The following BCAR3 variants were observed in gnomAD, a reference collection of about 807,000 sequenced individuals.
BCAR3 encodes BCAR3 adaptor protein, NSP family member.
Under a neutral mutation model 80.1 loss-of-function variants are expected in BCAR3, and 37 were observed. The ratio of observed to expected loss-of-function variants is 0.46; its 90% CI spans 0.36 to 0.61. BCAR3 has a LOEUF of 0.61. Among genes scored for constraint, BCAR3 ranks in the 20% least tolerant of loss-of-function variants. The pLI, the probability that BCAR3 is intolerant of heterozygous loss-of-function variation, is 0.00. For missense variants in BCAR3, 978 were observed against 1,068.2 expected (o/e 0.92, Z 1.18); for synonymous variants, 389 against 418.9 (o/e 0.93, Z 0.87).
intron 3 of BCAR3, among the ~76,000 whole-genome samples, 180 bp downstream of exon 3, chr1:93,642,124 G>T (rs113738045): frequency 3.7e-4 from 56 of 152,282 alleles, no homozygotes; most frequent in African/African-American, 1.3e-3. Context: ...ATAGGATGAC[G>T]TGAGACCCCT....
chr1:93,587,695 C>G (rs1674001476), intron 5 of BCAR3, among the ~76,000 whole-genome samples: 1 of 148,970 alleles, frequency 6.7e-6, no homozygotes, highest in African/African-American at 2.6e-5. Flanking sequence ...TCATGGACCC[C>G]CCCGCCAAAA....
Position 93,780,815 on chromosome 1 carries a change from C to G in BCAR3, c.-63+64752G>C, listed in dbSNP as rs528587928. 3.9e-5 allele frequency among the ~76,000 whole-genome samples: 6 copies of G among 152,290 alleles called. No homozygotes were observed. The South Asian group carries it at 1.2e-3, about 32-fold the overall frequency. ...AAAAACCTCACTGATACCCCTTAAC[C>G]ATTACTTGCTAAATAATAACATCCT... On this transcript the variant is annotated intron_variant, in intron 2 of 13. Transcript: ENST00000370244.
chr1:93,564,574 G>A (rs1050270746), intron 11 of BCAR3, among the ~76,000 whole-genome samples: 2 of 152,110 alleles, frequency 1.3e-5, no homozygotes, highest in African/African-American at 4.8e-5. Flanking sequence ...CACCGTGCCT[G>A]GCCAAGAAGT....
At chr1:93,569,856 C>G (rs2101804793) in intron 9 of BCAR3, among the ~76,000 whole-genome samples, 1 of 152,342 alleles carries the variant, frequency 6.6e-6, no homozygotes, top group Admixed American at 6.5e-5. Flanking sequence ...CACAAAACAT[C>G]TCCTTTACCA....
chr1:93,563,143 T>G (rs1417885), intron 11 of BCAR3, among the ~76,000 whole-genome samples: 92,249 of 151,982 alleles, frequency 0.61, 30,161 homozygotes, highest in Non-Finnish European at 0.74. Context: ...TGGTAAGTTT[T>G]TACATAAACC....
chr1:93,666,861 C>T (rs1433276716), intron 2 of BCAR3, among the ~76,000 whole-genome samples: 4 of 152,180 alleles, frequency 2.6e-5, no homozygotes, highest in African/African-American at 9.7e-5. Flanking sequence ...ACTCCATCAA[C>T]ATGTGAGAAA....
At chr1:93,605,732 G>A (rs1674753571) in intron 3 of BCAR3, among the ~76,000 whole-genome samples, 1 of 152,158 alleles carries the variant, frequency 6.6e-6, no homozygotes, top group African/African-American at 2.4e-5. Context: ...AAGAATGTCA[G>A]CAAATCAAAA....
At chr1:93,677,715 A>G (rs1252360558) in intron 1 of BCAR3, among the ~76,000 whole-genome samples, 2 of 152,204 alleles carry the variant, frequency 1.3e-5, no homozygotes, top group African/African-American at 4.8e-5. Flanking sequence ...AACTAGTTTC[A>G]GAAGGGGACC....
chr1:93,764,762 G>A (rs79985595), intron 2 of BCAR3, among the ~76,000 whole-genome samples: 2,870 of 152,208 alleles, frequency 0.019, 99 homozygotes, highest in African/African-American at 0.066. Context: ...TGGGGGACCT[G>A]GTCAGAATGC....
At chr1:93,651,710 G>C (rs1676331227) in intron 2 of BCAR3, among the ~76,000 whole-genome samples, 1 of 152,160 alleles carries the variant, frequency 6.6e-6, no homozygotes, top group Non-Finnish European at 1.5e-5. Context: ...TAGATGTACA[G>C]TTGACCATTC....
chr1:93,622,154 C>T (rs574130774), intron 3 of BCAR3, among the ~76,000 whole-genome samples: 44 of 152,316 alleles, frequency 2.9e-4, no homozygotes, highest in South Asian at 1.7e-3. Context: ...CCTCCTAGGC[C>T]TCCCAAAGTG....
intron 2 of BCAR3, among the ~76,000 whole-genome samples, chr1:93,764,561 C>T (rs545704223): frequency 4.8e-4 from 73 of 152,260 alleles, no homozygotes; most frequent in African/African-American, 1.7e-3. Context: ...GCTATCACCA[C>T]TCTCTTCCTG....
chr1:93,715,469 C>A (rs1346489953), intron 2 of BCAR3, among the ~76,000 whole-genome samples: 1 of 152,058 alleles, frequency 6.6e-6, no homozygotes, highest in Non-Finnish European at 1.5e-5. Context: ...ACTCAGCTGC[C>A]CAAGATCTCT....
At chr1:93,743,684 A>C (rs1479260827) in intron 2 of BCAR3, among the ~76,000 whole-genome samples, 1 of 152,234 alleles carries the variant, frequency 6.6e-6, no homozygotes, top group African/African-American at 2.4e-5. Context: ...CTTTGCTAAG[A>C]GCACTCAATC....
At chr1:93,749,271 C>G (rs1037533529) in intron 2 of BCAR3, among the ~76,000 whole-genome samples, 1 of 149,986 alleles carries the variant, frequency 6.7e-6, no homozygotes, top group Non-Finnish European at 1.5e-5. Context: ...CTCTTATTAC[C>G]CTTTCCTCAC....
chr1:93,581,137 G>A (rs1030586236), intron 7 of BCAR3, among the ~76,000 whole-genome samples: 3 of 151,954 alleles, frequency 2.0e-5, no homozygotes, highest in South Asian at 2.1e-4. Context: ...ATTCCAGCCT[G>A]GGTGACAGAG....
chr1:93,677,783 C>T (rs1648551025), intron 1 of BCAR3, among the ~76,000 whole-genome samples: 1 of 152,086 alleles, frequency 6.6e-6, no homozygotes. Context: ...TATCAGCAAA[C>T]AATTTGGTCT....
intron 3 of BCAR3, among the ~76,000 whole-genome samples, chr1:93,596,262 T>C (rs953230697): frequency 2.0e-5 from 3 of 152,228 alleles, no homozygotes; most frequent in African/African-American, 4.8e-5. Context: ...CCCAGAATGA[T>C]GCATGAGAAG....
intron 2 of BCAR3, among the ~76,000 whole-genome samples, chr1:93,768,282 TGTGTGTGTA>T: frequency 6.6e-6 from 1 of 152,136 alleles, no homozygotes; most frequent in East Asian, 1.9e-4. Context: ...TGTGTGTGTG[TGTGTGTGTA>T]CAACAGCCCA....
Sources: gnomAD v4.1 joint callset for allele counts (sites outside exome capture counted in the v4.1 genomes callset) on GRCh38, gnomAD v4.1.1 for gene constraint, MANE v1.5 for transcripts, NCBI Gene and HGNC (gene_info 2026-07-23, HGNC 2026-07-21) for gene names.